Variants in SLC16A9 observed in about 807,000 individuals in gnomAD.
The protein encoded by SLC16A9 is solute carrier family 16 member 9.
SLC16A9 carries 26 observed loss-of-function variants against 44.3 expected under a neutral mutation model. The observed-to-expected ratio is 0.59, with a 90% CI of 0.43 to 0.81. The LOEUF (loss-of-function observed/expected upper bound fraction) is 0.81. SLC16A9 is among the 40% of genes least tolerant of loss of function. The probability of loss-of-function intolerance (pLI) is 0.00; values close to 1 mark genes in which losing one functional copy is unlikely to be tolerated. For synonymous variants in SLC16A9, 230 were observed against 225.1 expected (o/e 1.02, Z -0.19); for missense variants, 559 against 595.8 (o/e 0.94, Z 0.64).
Position 59,672,832 on chromosome 10 carries a change from A to C in SLC16A9, c.278T>G (p.Leu93Arg). Residue 93 changes from leucine to arginine, a missense_variant, in exon 3 of 6, where the codon CTG becomes CGG. Physicochemically the swap from Leu to Arg is moderately radical, Grantham distance 102. Transcript: ENST00000395348. Reference sequence around the variant, plus strand: ...ATTGGGAGCAAAACTGCTCAACATCAGGCCTCCAGCCACCATGAAGCCACT... The same window carrying C: ...ATTGGGAGCAAAACTGCTCAACATCCGGCCTCCAGCCACCATGAAGCCACT... ...IFSGFMVAGG[L>R]MLSSFAPNIY... 1 of 1,613,882 alleles carries C rather than the reference A, an allele frequency of 6.2e-7. No individual in the cohort carries two copies. The highest frequency in any genetic ancestry group is 8.5e-7 in the Non-Finnish European group (1 of 1,179,856).
chr10:59,700,629 T>C (rs905017014), intron 1 of SLC16A9, among the ~76,000 whole-genome samples: 1 of 152,210 alleles, frequency 6.6e-6, no homozygotes, highest in Admixed American at 6.5e-5. Flanking sequence ...AGTAACTATT[T>C]AGTAAGTGTT....
At chr10:59,665,021 C>A (rs1839577533) in intron 3 of SLC16A9, among the ~76,000 whole-genome samples, 1 of 152,118 alleles carries the variant, frequency 6.6e-6, no homozygotes, top group African/African-American at 2.4e-5. Context: ...CTCCACTTTT[C>A]TGTAAATTTG....
intron 1 of SLC16A9, among the ~76,000 whole-genome samples, chr10:59,701,841 T>G (rs1166252806): frequency 1.3e-5 from 2 of 152,230 alleles, no homozygotes; most frequent in Middle Eastern, 3.2e-3. Flanking sequence ...CCAATTCTAC[T>G]CTTCCTTCAA....
At chr10:59,662,972 C>A (rs2132422886) in intron 4 of SLC16A9, among the ~76,000 whole-genome samples, 1 of 152,290 alleles carries the variant, frequency 6.6e-6, no homozygotes, top group East Asian at 1.9e-4. Flanking sequence ...TATAAAGACA[C>A]ATGCACATGT....
rs758563537 is a variant in SLC16A9, at chr10:59,652,886, C to T, written c.1416G>A (p.Leu472=). The change falls in exon 6 of 6, where the codon CTG becomes CTA. Residue 472 remains leucine, a synonymous_variant. Coordinates refer to ENST00000395348, the MANE Select transcript of SLC16A9 (RefSeq NM_194298.3). ...IAFYFSGFCV[L]LGGFILLLAA... ...CCAGCAGCAGAATAAAACCTCCCAG[C>T]AGGACGCAGAAGCCACTAAAATAAA... The T allele has an allele frequency of 6.2e-7, 1 of 1,613,882 alleles. No homozygotes were observed. Among genetic ancestry groups the T allele is most frequent in the South Asian group, 1.1e-5 (1 of 91,058 alleles).
intron 1 of SLC16A9, among the ~76,000 whole-genome samples, chr10:59,692,329 G>A (rs1437127406): frequency 6.6e-6 from 1 of 152,188 alleles, no homozygotes; most frequent in Non-Finnish European, 1.5e-5. Flanking sequence ...TGGGCGAGGA[G>A]GTGGACTGAA....
At chr10:59,685,486 CA>C (rs916470222) in intron 1 of SLC16A9, among the ~76,000 whole-genome samples, 1 of 152,228 alleles carries the variant, frequency 6.6e-6, no homozygotes, top group Non-Finnish European at 1.5e-5. Context: ...TTTTTACACA[CA>C]AAAAAATAGC....
At chr10:59,690,337 G>A (rs181118855) in intron 1 of SLC16A9, among the ~76,000 whole-genome samples, 20 of 152,314 alleles carry the variant, frequency 1.3e-4, no homozygotes, top group Non-Finnish European at 2.2e-4. Flanking sequence ...ACTTAGGAAG[G>A]TAAGATATGT....
intron 3 of SLC16A9, among the ~76,000 whole-genome samples, 163 bp downstream of exon 3, chr10:59,672,607 G>C (rs191447054): frequency 3.9e-4 from 59 of 152,190 alleles, no homozygotes; most frequent in African/African-American, 1.4e-3. Context: ...CACTGGGCAG[G>C]TTTTTTTCAC....
chr10:59,658,685 T>G (rs1839403673), intron 4 of SLC16A9, among the ~76,000 whole-genome samples: 1 of 152,210 alleles, frequency 6.6e-6, no homozygotes, highest in African/African-American at 2.4e-5. Context: ...GCATTCCAAC[T>G]ACTCTGGATT....
chr10:59,681,877 T>TGTATATGTATAC, intron 2 of SLC16A9, among the ~76,000 whole-genome samples: 1 of 150,034 alleles, frequency 6.7e-6, no homozygotes, highest in Non-Finnish European at 1.5e-5. Flanking sequence ...TATATGTATA[T>TGTATATGTATAC]GTATATATAC....
chr10:59,670,743 C>T (rs886203945), intron 3 of SLC16A9, among the ~76,000 whole-genome samples: 3 of 151,278 alleles, frequency 2.0e-5, no homozygotes, highest in African/African-American at 7.3e-5. Context: ...TTTCCTGTCA[C>T]TTTTTTTTTC....
chr10:59,681,818 GATGTAT>G (rs1222570317), intron 2 of SLC16A9, among the ~76,000 whole-genome samples: 1 of 30,164 alleles, frequency 3.3e-5, no homozygotes, highest in African/African-American at 1.1e-4. Flanking sequence ...ATGTATATAT[GATGTAT>G]ATGTATATGT....
At position 59,664,281 on chromosome 10, in the gene SLC16A9, T is replaced by G; in HGVS notation, c.382A>C (p.Thr128Pro). 1 of 1,612,644 alleles carries G rather than the reference T, an allele frequency of 6.2e-7. No homozygotes were observed. Among genetic ancestry groups the G allele is most frequent in the Non-Finnish European group, 8.5e-7 (1 of 1,179,126 alleles). ...CGGCGATCGTCAAAATACTGGCACG[T>G]AATGGTCACTGTTGCAGTGTATAAT... ...GLLYTATVTI[T>P]CQYFDDRRGL... Residue 128 changes from threonine to proline, a missense_variant, in exon 4 of 6, where the codon ACG (threonine) becomes CCG (proline). By Grantham distance (38) the Thr-to-Pro change is conservative. Coordinates refer to ENST00000395348, the MANE Select transcript of SLC16A9 (RefSeq NM_194298.3).
At chr10:59,663,388 G>GAAAT (rs1839528099) in intron 4 of SLC16A9, among the ~76,000 whole-genome samples, 1 of 151,866 alleles carries the variant, frequency 6.6e-6, no homozygotes, top group South Asian at 2.1e-4. Flanking sequence ...AAGAAAGAAA[G>GAAAT]AAAATGTGGC....
intron 2 of SLC16A9, among the ~76,000 whole-genome samples, chr10:59,678,716 T>C (rs572859284): frequency 9.7e-5 from 14 of 144,258 alleles, no homozygotes; most frequent in African/African-American, 3.6e-4. Flanking sequence ...GCTAATTTTT[T>C]GTATTTTTAG....
At chr10:59,695,876 T>C (rs954375014) in intron 1 of SLC16A9, among the ~76,000 whole-genome samples, 3 of 152,176 alleles carry the variant, frequency 2.0e-5, no homozygotes, top group African/African-American at 4.8e-5. Flanking sequence ...GAAAACTATT[T>C]TAAGCAAGTT....
At chr10:59,691,611 C>T (rs1407461388) in intron 1 of SLC16A9, among the ~76,000 whole-genome samples, 1 of 152,162 alleles carries the variant, frequency 6.6e-6, no homozygotes, top group African/African-American at 2.4e-5. Context: ...AGTATATCTC[C>T]TAAAGCCAGA....
intron 3 of SLC16A9, among the ~76,000 whole-genome samples, chr10:59,666,078 T>C (rs1839609732): frequency 1.3e-5 from 2 of 151,912 alleles, no homozygotes; most frequent in Admixed American, 1.3e-4. Context: ...GGAGGATCAC[T>C]TGAGGTCAGG....
Sources: gnomAD v4.1 joint callset for allele counts (sites outside exome capture counted in the v4.1 genomes callset) on GRCh38, gnomAD v4.1.1 for gene constraint, MANE v1.5 for transcripts, NCBI Gene and HGNC (gene_info 2026-07-23, HGNC 2026-07-21) for gene names.